Variants in NHSL1 observed in about 807,000 individuals in gnomAD.
NHSL1 encodes NHS-like protein 1.
NHSL1 carries 48 observed loss-of-function variants against 95.0 expected under a neutral mutation model. The ratio of observed to expected loss-of-function variants is 0.51; its 90% CI spans 0.40 to 0.64. The LOEUF is 0.64. Among genes scored for constraint, NHSL1 ranks in the 30% least tolerant of loss-of-function variants. The pLI, the probability that NHSL1 is intolerant of heterozygous loss-of-function variation, is 0.00. For missense variants in NHSL1, 1,971 were observed against 2,077.7 expected (o/e 0.95, Z 1.00); for synonymous variants, 783 against 833.9 (o/e 0.94, Z 1.05).
At chr6:138,669,861 C>T (rs1330886180) in intron 1 of NHSL1, among the ~76,000 whole-genome samples, 1 of 152,170 alleles carries the variant, frequency 6.6e-6, no homozygotes, top group East Asian at 1.9e-4. Context: ...TGGCTCACAC[C>T]TGTAATCCTA....
At chr6:138,488,626 G>T (rs1018747028) in intron 2 of NHSL1, among the ~76,000 whole-genome samples, 1 of 152,146 alleles carries the variant, frequency 6.6e-6, no homozygotes, top group Non-Finnish European at 1.5e-5. Context: ...GAAATCAGGG[G>T]TGAGTGAGGA....
At chr6:138,582,735 C>T (rs1444040929) in intron 1 of NHSL1, among the ~76,000 whole-genome samples, 2 of 152,178 alleles carry the variant, frequency 1.3e-5, no homozygotes, top group Non-Finnish European at 2.9e-5. Flanking sequence ...TCCTCCCTAC[C>T]ACCAGGCACA....
chr6:138,690,207 CA>C (rs975856722), intron 1 of NHSL1, among the ~76,000 whole-genome samples: 2 of 152,166 alleles, frequency 1.3e-5, no homozygotes, highest in African/African-American at 4.8e-5. Context: ...AATGGCAGAA[CA>C]ACTTCAAACT....
At chr6:138,522,925 G>T (rs1477908977) in intron 1 of NHSL1, among the ~76,000 whole-genome samples, 1 of 152,210 alleles carries the variant, frequency 6.6e-6, no homozygotes, top group Admixed American at 6.5e-5. Context: ...AACAATCTGG[G>T]TTAATGAATG....
intron 5 of NHSL1, among the ~76,000 whole-genome samples, chr6:138,437,419 C>CAT (rs1562270741): frequency 6.5e-5 from 2 of 30,920 alleles, no homozygotes; most frequent in Admixed American, 2.7e-4. Context: ...CATATACACA[C>CAT]ACACACACAC....
At chr6:138,637,152 C>T (rs1173389019) in intron 1 of NHSL1, among the ~76,000 whole-genome samples, 1 of 151,674 alleles carries the variant, frequency 6.6e-6, no homozygotes, top group Non-Finnish European at 1.5e-5. Flanking sequence ...AGGGAAAGGA[C>T]AGTCTCTTCA....
At chr6:138,527,685 G>A (rs891340950) in intron 1 of NHSL1, among the ~76,000 whole-genome samples, 28 of 152,138 alleles carry the variant, frequency 1.8e-4, no homozygotes, top group African/African-American at 1.2e-4. Flanking sequence ...AGGCTCCAGC[G>A]TGACAAATAC....
At chr6:138,484,608 G>A (rs903119528) in intron 2 of NHSL1, among the ~76,000 whole-genome samples, 2 of 152,060 alleles carry the variant, frequency 1.3e-5, no homozygotes, top group African/African-American at 4.8e-5. Flanking sequence ...CATGTCTTGG[G>A]ACCAATATCT....
At chr6:138,598,472 A>T (rs958287072) in intron 1 of NHSL1, among the ~76,000 whole-genome samples, 1 of 150,616 alleles carries the variant, frequency 6.6e-6, no homozygotes, top group Non-Finnish European at 1.5e-5. Context: ...AAAAAAAAAA[A>T]TAGCCAGATG....
At position 138,687,514 on chromosome 6, in the gene NHSL1, G is replaced by A. The variant is rs190768983; in HGVS notation, c.96+4962C>T. ...CTGCCAAATTCTCAGTCCTGTTTAT[G>A]CAAAGACTGTATTTGCAAATGTACA... On this transcript the variant is annotated intron_variant, in intron 1 of 3. Coordinates refer to the NHSL1 transcript ENST00000491526. 3.5e-4 allele frequency among the ~76,000 whole-genome samples: 54 copies of A among 152,218 alleles called. No homozygotes were observed. In the East Asian group the frequency reaches 9.8e-3, roughly 28 times the overall value.
Position 138,534,192 on chromosome 6 carries a change from T to C in NHSL1, c.16+11431A>G, listed in dbSNP as rs555957488. ...GTCCATTTGTTTTCATAGAGAGTGA[T>C]GGTTAAAGTCTTTTTACCCAAACTA... On this transcript the variant is annotated intron_variant, in intron 1 of 4. Transcript: ENST00000342260. Among the ~76,000 whole-genome samples, 4 of 152,340 alleles carry C rather than the reference T, an allele frequency of 2.6e-5. No individual in the cohort carries two copies. The East Asian group carries it at 7.7e-4, about 29-fold the overall frequency.
At chr6:138,594,850 A>T (rs1197484676) in intron 1 of NHSL1, among the ~76,000 whole-genome samples, 3 of 152,232 alleles carry the variant, frequency 2.0e-5, no homozygotes, top group Non-Finnish European at 4.4e-5. Context: ...TGTACTTTGA[A>T]AGGAGCAAAG....
intron 1 of NHSL1, among the ~76,000 whole-genome samples, chr6:138,689,338 G>C (rs1480881953): frequency 6.6e-6 from 1 of 152,152 alleles, no homozygotes; most frequent in South Asian, 2.1e-4. Context: ...GGGGGTGTCA[G>C]GGAAAGAAAG....
intron 1 of NHSL1, among the ~76,000 whole-genome samples, chr6:138,598,399 A>C (rs993345319): frequency 2.6e-5 from 4 of 151,820 alleles, no homozygotes; most frequent in Non-Finnish European, 4.4e-5. Context: ...CGGCAGTTGC[A>C]GTGAGTCAAG....
intron 1 of NHSL1, among the ~76,000 whole-genome samples, chr6:138,664,053 G>C (rs1168051067): frequency 6.6e-6 from 1 of 152,196 alleles, no homozygotes; most frequent in Non-Finnish European, 1.5e-5. Flanking sequence ...TCTGGATAAA[G>C]ATTGACAATT....
At chr6:138,489,314 C>G (rs1006495239) in intron 2 of NHSL1, among the ~76,000 whole-genome samples, 14 of 152,088 alleles carry the variant, frequency 9.2e-5, no homozygotes, top group South Asian at 2.1e-4. Flanking sequence ...CCCATGTAAA[C>G]AGATATTATG....
chr6:138,448,194 G>A (rs1413036720), intron 3 of NHSL1, among the ~76,000 whole-genome samples: 1 of 152,092 alleles, frequency 6.6e-6, no homozygotes, highest in Non-Finnish European at 1.5e-5. Flanking sequence ...AAGTTGTGTT[G>A]GCGAGCATTT....
rs1237228207 is a variant in NHSL1, at chr6:138,482,689, C to T, written c.212-9256G>A. Reference sequence around the variant, plus strand: ...GAATGAATACACAGAGGCATCAACACCAGTTTCTCAAGTCACCTTTGCCAC... The same window carrying T: ...GAATGAATACACAGAGGCATCAACATCAGTTTCTCAAGTCACCTTTGCCAC... On this transcript the variant is annotated intron_variant, in intron 2 of 7. Coordinates refer to ENST00000343505, the MANE Select transcript of NHSL1 (RefSeq NM_001144060.2). 2.6e-5 allele frequency among the ~76,000 whole-genome samples: 4 copies of T among 152,110 alleles called. No homozygotes were observed. The East Asian group carries it at 7.7e-4, about 29-fold the overall frequency.
intron 3 of NHSL1, among the ~76,000 whole-genome samples, chr6:138,451,895 AAC>A (rs1777262385): frequency 1.3e-5 from 2 of 152,346 alleles, no homozygotes; most frequent in African/African-American, 4.8e-5. Flanking sequence ...CAAGTAAAAA[AAC>A]AGTGTGTACC....
Sources: allele counts gnomAD v4.1 joint callset (sites outside exome capture counted in the v4.1 genomes callset), GRCh38; gene constraint gnomAD v4.1.1; transcripts MANE v1.5; gene names NCBI Gene and HGNC (gene_info 2026-07-23, HGNC 2026-07-21).